Variants in SOX13 observed in about 807,000 individuals in gnomAD.
The protein encoded by SOX13 is SRY-box transcription factor 13, also known as transcription factor SOX-13.
A neutral mutation model predicts 71.8 loss-of-function variants in SOX13; 28 were observed. The ratio of observed to expected loss-of-function variants is 0.39; its 90% CI spans 0.29 to 0.53. SOX13 has a LOEUF of 0.53. SOX13 is among the 20% of genes least tolerant of loss of function. SOX13 has a pLI of 0.70. For synonymous variants in SOX13, 309 were observed against 317.8 expected, an observed-to-expected ratio of 0.97 and a Z score of 0.29; for missense variants, 627 against 810.3, an observed-to-expected ratio of 0.77 and a Z score of 2.75.
intron 1 of SOX13, among the ~76,000 whole-genome samples, chr1:204,094,156 C>T (rs1312536125): frequency 4.6e-5 from 7 of 152,098 alleles, no homozygotes; most frequent in South Asian, 2.1e-4. Flanking sequence ...ATAACTGTGC[C>T]GAGTCTCCTA....
intron 1 of SOX13, among the ~76,000 whole-genome samples, chr1:204,088,791 T>C (rs1408846596): frequency 6.6e-6 from 1 of 152,148 alleles, no homozygotes; most frequent in African/African-American, 2.4e-5. Flanking sequence ...CCTCGCCTCG[T>C]CAGGGATCAG....
Position 204,126,784 on chromosome 1 carries a change from C to A in SOX13, c.*650C>A, listed in dbSNP as rs1304128749. 1 of 153,274 alleles carries A rather than the reference C, an allele frequency of 6.5e-6. No homozygotes were observed. The highest frequency in any genetic ancestry group is 2.4e-5 in the African/African-American group (1 of 41,436). The allele number at this position is 153,274 out of a possible 1,614,324, so 9.5% of individuals were successfully genotyped here. A position where few individuals can be genotyped will look rare whatever the true frequency, so the allele number is the denominator to read the frequency against. Reference sequence around the variant, plus strand: ...GGTGTGTCTCTCGATGCCACTCCTGCTTCTCTGGGGGCCTCTTTCTGTGCT... The same window carrying A: ...GGTGTGTCTCTCGATGCCACTCCTGATTCTCTGGGGGCCTCTTTCTGTGCT... On this transcript the variant is annotated 3_prime_UTR_variant, in exon 14 of 14. Coordinates refer to ENST00000367204, the MANE Select transcript of SOX13 (RefSeq NM_005686.3).
intron 1 of SOX13, among the ~76,000 whole-genome samples, chr1:204,111,924 T>C (rs1428681654): frequency 6.6e-6 from 1 of 152,218 alleles, no homozygotes; most frequent in Non-Finnish European, 1.5e-5. Context: ...GAAGACTATA[T>C]GTCTTATATA....
chr1:204,107,603 C>T (rs562452740), intron 1 of SOX13, among the ~76,000 whole-genome samples: 8 of 152,026 alleles, frequency 5.3e-5, no homozygotes, highest in South Asian at 2.1e-4. Flanking sequence ...TCCCTCAAGA[C>T]CAGACAGGGC....
chr1:204,091,537 A>G (rs1364455904), intron 1 of SOX13, among the ~76,000 whole-genome samples: 1 of 152,208 alleles, frequency 6.6e-6, no homozygotes, highest in East Asian at 1.9e-4. Context: ...CCCCACCCTC[A>G]GGGATGCTCT....
At position 204,112,924 on chromosome 1, in the gene SOX13, GA is replaced by G; in HGVS notation, c.10del (p.Arg4GlyfsTer17). MSM[R>X]SPISAQLALD... ...TCTGTCCCTCCCCCAGGATGTCCAT[GA>G]GGAGCCCCATCTCTGCCCAGCTGGC... On this transcript the variant is annotated frameshift_variant, in exon 2 of 14. Transcript: ENST00000367204. LOFTEE classifies it high-confidence loss of function. 1 of 1,613,394 alleles carries G rather than the reference GA, an allele frequency of 6.2e-7. No individual in the cohort carries two copies. The highest frequency in any genetic ancestry group is 1.1e-5 in the South Asian group (1 of 91,002).
chr1:204,098,444 A>C (rs1571576426), intron 1 of SOX13, among the ~76,000 whole-genome samples: 1 of 151,288 alleles, frequency 6.6e-6, no homozygotes, highest in Non-Finnish European at 1.5e-5. Context: ...GTGCCACTGC[A>C]CTCCAGCCTG....
At chr1:204,075,311 C>T (rs1655764263) in intron 1 of SOX13, among the ~76,000 whole-genome samples, 1 of 152,220 alleles carries the variant, frequency 6.6e-6, no homozygotes, top group African/African-American at 2.4e-5. Flanking sequence ...CGCTACCTCC[C>T]GCTCTCCCTC....
At chr1:204,117,251 G>A (rs1558220703) in intron 6 of SOX13, 61 bp downstream of exon 6, 5 of 1,449,474 alleles carry the variant, frequency 3.4e-6, no homozygotes, top group Admixed American at 1.7e-5. Context: ...ACACCGGCCT[G>A]GAGGGTGCTG....
At chr1:204,116,295 G>A (rs1481285231) in intron 4 of SOX13, 3 of 1,523,396 alleles carry the variant, frequency 2.0e-6, no homozygotes, top group South Asian at 2.4e-5. Context: ...GGCTAATAGG[G>A]GAGAACTTCT....
chr1:204,109,087 T>A (rs1225818714), intron 1 of SOX13, among the ~76,000 whole-genome samples: 1 of 152,136 alleles, frequency 6.6e-6, no homozygotes, highest in Non-Finnish European at 1.5e-5. Context: ...TTCTGGACGC[T>A]CTCCAAGCCC....
intron 1 of SOX13, among the ~76,000 whole-genome samples, chr1:204,092,638 ATTAG>A (rs1368756032): frequency 2.0e-5 from 3 of 152,148 alleles, no homozygotes; most frequent in Non-Finnish European, 2.9e-5. Context: ...GGGAGCTGAT[ATTAG>A]TGTGATGGCT....
rs1656919536 is a variant in SOX13 at position 204,126,169 on chromosome 1, G to A, written c.*35G>A. ...GGTGGGCCTGGCCCCTTCTCCTCTG[G>A]GGAAGACCTTGTCCCAACTCGATGG... is the stretch of plus-strand genomic sequence containing the variant. On this transcript the variant is annotated 3_prime_UTR_variant, in exon 14 of 14. Coordinates refer to ENST00000367204, the MANE Select transcript of SOX13 (RefSeq NM_005686.3). 5 of 1,600,880 alleles carry A rather than the reference G, an allele frequency of 3.1e-6. No individual in the cohort carries two copies. The African/African-American group carries it at 4.0e-5, about 13-fold the overall frequency.
chr1:204,116,406 G>A (rs985015569), intron 4 of SOX13, 101 bp from the exon 5 acceptor site: 2 of 1,606,596 alleles, frequency 1.2e-6, no homozygotes, highest in African/African-American at 2.7e-5. Flanking sequence ...CTGGGACATA[G>A]CAATTGCTCA....
At chr1:204,102,229 C>T (rs16776) in intron 1 of SOX13, among the ~76,000 whole-genome samples, 128,352 of 152,246 alleles carry the variant, frequency 0.84, 54,244 homozygotes, top group Middle Eastern at 0.93. Context: ...ATCAGCCTGG[C>T]GGGTAAACAT....
At chr1:204,093,573 C>T (rs540452965) in intron 1 of SOX13, among the ~76,000 whole-genome samples, 69 of 152,288 alleles carry the variant, frequency 4.5e-4, no homozygotes, top group Non-Finnish European at 8.8e-4. Flanking sequence ...GCATCCAGGC[C>T]CAGAGAAGCC....
Position 204,123,383 on chromosome 1 carries a change from T to G in SOX13, c.1231+175T>G, listed in dbSNP as rs1333045916. 1.3e-5 allele frequency among the ~76,000 whole-genome samples: 2 copies of G among 152,198 alleles called. No individual in the cohort carries two copies. Among genetic ancestry groups the G allele is most frequent in the Non-Finnish European group, 2.9e-5 (2 of 68,024 alleles). On this transcript the variant is annotated intron_variant, in intron 11 of 13. Transcript: ENST00000367204. The surrounding 1 kb of genome is among the most constrained non-coding windows in gnomAD (Gnocchi z 5.0). ...TGTCGGCTCTGTCTCTGAGTCTGCTTTCCTAAGTTTTGTGACTGCTGAGTT... is the reference window on the plus strand; with the variant it reads ...TGTCGGCTCTGTCTCTGAGTCTGCTGTCCTAAGTTTTGTGACTGCTGAGTT...
At chr1:204,095,626 C>A (rs1008206526) in intron 1 of SOX13, among the ~76,000 whole-genome samples, 1 of 152,134 alleles carries the variant, frequency 6.6e-6, no homozygotes, top group African/African-American at 2.4e-5. Flanking sequence ...GAAAGCATAA[C>A]TTATTAGCAG....
chr1:204,085,979 AAAAAG>A (rs1376358731), intron 1 of SOX13, among the ~76,000 whole-genome samples: 5 of 152,104 alleles, frequency 3.3e-5, no homozygotes, highest in Admixed American at 6.6e-5. Flanking sequence ...AAAAAAAAAA[AAAAAG>A]AAAAGAAAGA....
Sources: allele counts gnomAD v4.1 joint callset (sites outside exome capture counted in the v4.1 genomes callset), GRCh38; gene constraint gnomAD v4.1.1; non-coding constraint Gnocchi (gnomAD v3.1); transcripts MANE v1.5; gene names NCBI Gene and HGNC (gene_info 2026-07-23, HGNC 2026-07-21).